Variants in GLB1L2 observed in about 807,000 individuals in gnomAD.
GLB1L2 encodes the protein galactosidase beta 1 like 2.
A neutral mutation model predicts 84.1 loss-of-function variants in GLB1L2; 68 were observed. The ratio of observed to expected loss-of-function variants is 0.81; its 90% CI spans 0.67 to 0.99. The LOEUF is 0.99. Ranked by LOEUF, GLB1L2 falls within the 50% of genes least tolerant of loss-of-function variation. The pLI is 0.00. For missense variants in GLB1L2, 762 were observed against 805.6 expected (o/e 0.95, Z 0.66); for synonymous variants, 290 against 318.0 (o/e 0.91, Z 0.94).
At chr11:134,362,339 T>TCCCTTCCCCGGCGCTGCCCGCCTTC (rs148920652) in intron 7 of GLB1L2, among the ~76,000 whole-genome samples, 93 of 110,554 alleles carry the variant, frequency 8.4e-4, no homozygotes, top group Middle Eastern at 4.8e-3. Flanking sequence ...CTGCCCGCGT[T>TCCCTTCCCCGGCGCTGCCCGCCTTC]CCTTCCCCGG....
chr11:134,341,493 AATGTC>A (rs1943461765), intron 1 of GLB1L2, among the ~76,000 whole-genome samples: 1 of 152,194 alleles, frequency 6.6e-6, no homozygotes. Context: ...TGTGTCCTAA[AATGTC>A]ATTTGCAAGC....
intron 7 of GLB1L2, chr11:134,360,803 A>G (rs1410926229): frequency 2.6e-5 from 4 of 151,546 alleles, no homozygotes; most frequent in Middle Eastern, 6.9e-3. Context: ...TTCTTTGGAT[A>G]TTTTCCTTCT....
At chr11:134,343,225 G>A (rs1323059884) in intron 2 of GLB1L2, among the ~76,000 whole-genome samples, 1 of 152,144 alleles carries the variant, frequency 6.6e-6, no homozygotes. Flanking sequence ...CAGTGCTAGC[G>A]AATCTTTTTG....
intron 1 of GLB1L2, among the ~76,000 whole-genome samples, chr11:134,332,673 G>A (rs971007437): frequency 6.6e-6 from 1 of 152,156 alleles, no homozygotes; most frequent in South Asian, 2.1e-4. Context: ...CCAAGATCCC[G>A]GGCCATGATT....
rs972464187 is a variant in GLB1L2, at chr11:134,359,156, G to A, written c.733+15G>A. The A allele has an allele frequency of 1.7e-5, 26 of 1,575,098 alleles. No individual in the cohort carries two copies. Among genetic ancestry groups the A allele is most frequent in the Non-Finnish European group, 2.2e-5 (26 of 1,158,130 alleles). On this transcript the variant is annotated intron_variant, in intron 7 of 18. Coordinates refer to ENST00000535456, the MANE Select transcript of GLB1L2 (RefSeq NM_001370461.1). Reference sequence around the variant, plus strand: ...TGTCCAGGGAGGTAACTGCACTTGTGTTGGGCCGTGGGGGCTGGCGGCGGC... The same window carrying A: ...TGTCCAGGGAGGTAACTGCACTTGTATTGGGCCGTGGGGGCTGGCGGCGGC...
chr11:134,351,152 G>A (rs1487991221), intron 5 of GLB1L2, among the ~76,000 whole-genome samples: 9 of 152,202 alleles, frequency 5.9e-5, no homozygotes, highest in Non-Finnish European at 1.2e-4. Context: ...ATATGATGTT[G>A]ACTGTGGGCT....
intron 7 of GLB1L2, among the ~76,000 whole-genome samples, chr11:134,359,373 C>T (rs990467821): frequency 2.0e-5 from 3 of 152,286 alleles, no homozygotes; most frequent in African/African-American, 2.4e-5. Context: ...GCTGGGCACT[C>T]GGGCTCCAAG....
At position 134,374,612 on chromosome 11, in the gene GLB1L2, A is replaced by AG. The variant is rs754489951; in HGVS notation, c.1723dup (p.Val575GlyfsTer39). 6.2e-6 allele frequency: 10 copies of AG among 1,613,680 alleles called. No individual in the cohort carries two copies. The highest frequency in any genetic ancestry group is 7.6e-6 in the Non-Finnish European group (9 of 1,179,646). The stretch of plus-strand genomic sequence containing the variant: ...CCCCTCTGTTTCAAGGGCTGGGAGA[A>AG]GGGGGTTGTATTCATCAATGGCCAG... On this transcript the variant is annotated frameshift_variant, in exon 18 of 19. Coordinates refer to ENST00000535456, the MANE Select transcript of GLB1L2 (RefSeq NM_001370461.1). LOFTEE classifies it high-confidence loss of function.
In GLB1L2 at chr11:134,334,992, T is replaced by C. The variant is rs1043841519; in HGVS notation, c.86+2845T>C. On this transcript the variant is annotated intron_variant, in intron 1 of 18. Coordinates refer to ENST00000535456, the MANE Select transcript of GLB1L2 (RefSeq NM_001370461.1). This position sits in a 1 kb window ranked among gnomAD's most constrained non-coding sequence, Gnocchi z 4.1. ...GCAAGAATACAGGCAACGCTGCATCTCTCATACCTGAAATTTTAGCTGGGA... is the reference window on the plus strand; with the variant it reads ...GCAAGAATACAGGCAACGCTGCATCCCTCATACCTGAAATTTTAGCTGGGA... Among the ~76,000 whole-genome samples, 2 of 152,106 alleles carry C rather than the reference T, an allele frequency of 1.3e-5. No homozygotes were observed. Among genetic ancestry groups the C allele is most frequent in the African/African-American group, 4.8e-5 (2 of 41,414 alleles).
chr11:134,364,566 G>A (rs989279168), intron 8 of GLB1L2, 168 bp downstream of exon 8: 11 of 617,738 alleles, frequency 1.8e-5, no homozygotes, highest in Admixed American at 3.0e-5. Context: ...CCGCTGCCCA[G>A]AAACACCTCT....
chr11:134,366,142 C>A (rs1473268904), intron 8 of GLB1L2, among the ~76,000 whole-genome samples: 3 of 152,234 alleles, frequency 2.0e-5, no homozygotes, highest in African/African-American at 7.2e-5. Context: ...CCCACCTCCG[C>A]AGCTCTGGTA....
intron 5 of GLB1L2, among the ~76,000 whole-genome samples, chr11:134,352,594 G>C (rs1943647894): frequency 6.7e-6 from 1 of 150,256 alleles, no homozygotes; most frequent in Non-Finnish European, 1.5e-5. Context: ...TCTTTGCACT[G>C]CTTTCACTGT....
chr11:134,371,709 T>C (rs2136289789), intron 14 of GLB1L2, 43 bp from the exon 15 acceptor site: 2 of 1,592,440 alleles, frequency 1.3e-6, no homozygotes. Flanking sequence ...GAGGGGCAGC[T>C]GTGGCCTTCT....
intron 5 of GLB1L2, among the ~76,000 whole-genome samples, chr11:134,355,639 T>G (rs571666828): frequency 6.6e-4 from 101 of 152,290 alleles, no homozygotes; most frequent in African/African-American, 2.3e-3. Context: ...CACCCCAGCT[T>G]CTTCTTGTGG....
intron 1 of GLB1L2, among the ~76,000 whole-genome samples, chr11:134,336,880 C>T (rs1943395509): frequency 6.6e-6 from 1 of 152,198 alleles, no homozygotes. Context: ...TCTAACAGAG[C>T]TTTCTCTCTG....
At chr11:134,357,337 C>G (rs1486073027) in intron 6 of GLB1L2, among the ~76,000 whole-genome samples, 2 of 152,244 alleles carry the variant, frequency 1.3e-5, no homozygotes, top group Non-Finnish European at 2.9e-5. Context: ...GCGTACTCTT[C>G]CCCCTTCTCA....
intron 1 of GLB1L2, among the ~76,000 whole-genome samples, chr11:134,337,837 G>A (rs1019681469): frequency 3.9e-5 from 6 of 152,172 alleles, no homozygotes; most frequent in Non-Finnish European, 7.3e-5. Context: ...GGGATGCCCT[G>A]GATTTGGATT....
chr11:134,364,714 A>G, intron 8 of GLB1L2: 2 of 323,494 alleles, frequency 6.2e-6, no homozygotes, highest in Non-Finnish European at 1.1e-5. Context: ...TTGAGGGGGG[A>G]AGGAAAAACT....
At position 134,371,410 on chromosome 11, in the gene GLB1L2, C is replaced by A; in HGVS notation, c.1357-11C>A. ...TTGGTCATGGATGTTCCTGCCTGTT[C>A]CCTTTGGCAGGTGTTTGTGAACACA... On this transcript the variant is annotated splice_polypyrimidine_tract_variant and intron_variant, in intron 13 of 18. Coordinates refer to ENST00000535456, the MANE Select transcript of GLB1L2 (RefSeq NM_001370461.1). The A allele has an allele frequency of 2.0e-6, 3 of 1,537,356 alleles. No individual in the cohort carries two copies. The highest frequency in any genetic ancestry group is 2.7e-6 in the Non-Finnish European group (3 of 1,109,966).
Sources: gnomAD v4.1 joint callset for allele counts (sites outside exome capture counted in the v4.1 genomes callset) on GRCh38, gnomAD v4.1.1 for gene constraint, Gnocchi (gnomAD v3.1) non-coding constraint, MANE v1.5 for transcripts, NCBI Gene and HGNC (gene_info 2026-07-23, HGNC 2026-07-21) for gene names.